The following MAF variants were observed in gnomAD, a reference collection of about 807,000 sequenced individuals.
MAF encodes the protein MAF bZIP transcription factor.
Under a neutral mutation model 22.0 loss-of-function variants are expected in MAF, and 10 were observed. That is an observed-to-expected ratio of 0.45 (90% CI 0.28 to 0.77). MAF has a LOEUF of 0.77. Ranked by LOEUF, MAF falls within the 30% of genes least tolerant of loss-of-function variation. MAF has a pLI of 0.12. For missense variants in MAF, 544 were observed against 548.4 expected, an observed-to-expected ratio of 0.99 and a Z score of 0.08; for synonymous variants, 337 against 255.8, an observed-to-expected ratio of 1.32 and a Z score of -3.03.
chr16:79,502,708 A>AATAAATAAAT, the MAF span, among the ~76,000 whole-genome samples: 3 of 34,008 alleles, frequency 8.8e-5, no homozygotes, highest in African/African-American at 1.8e-4. Context: ...TATAAATATA[A>AATAAATAAAT]ATATATATAT....
chr16:79,431,857 T>C, the MAF span, among the ~76,000 whole-genome samples: 1 of 152,186 alleles, frequency 6.6e-6, no homozygotes, highest in African/African-American at 2.4e-5. Flanking sequence ...CAGCAGGACT[T>C]TGTTTCCTTA....
At chr16:79,307,184 A>G in the MAF span, among the ~76,000 whole-genome samples, 1 of 152,126 alleles carries the variant, frequency 6.6e-6, no homozygotes, top group East Asian at 1.9e-4. Context: ...GTTTGAGATG[A>G]ATCTGGTGAC....
the MAF span, among the ~76,000 whole-genome samples, chr16:79,523,465 C>T: frequency 7.9e-5 from 12 of 152,204 alleles, no homozygotes. Flanking sequence ...AATCTATAAG[C>T]GTGGGTTCAT....
the MAF span, among the ~76,000 whole-genome samples, chr16:79,390,507 T>C: frequency 6.6e-6 from 1 of 152,222 alleles, no homozygotes; most frequent in Non-Finnish European, 1.5e-5. Context: ...GAGCAAGCTT[T>C]AAGCTTTTAA....
chr16:79,259,076 C>G, the MAF span, among the ~76,000 whole-genome samples: 1 of 152,154 alleles, frequency 6.6e-6, no homozygotes, highest in African/African-American at 2.4e-5. Flanking sequence ...CCCCTAAACC[C>G]CAGAATGAGT....
chr16:79,537,621 A>G, the MAF span, among the ~76,000 whole-genome samples: 1 of 152,130 alleles, frequency 6.6e-6, no homozygotes, highest in African/African-American at 2.4e-5. Context: ...GTCTTTTTCA[A>G]TTAGGAACAG....
the MAF span, among the ~76,000 whole-genome samples, chr16:79,411,929 AGATGG>A: frequency 0.16 from 25,070 of 152,078 alleles, 2,655 homozygotes; most frequent in African/African-American, 0.29. Context: ...GAGTTAGATG[AGATGG>A]TGTCTGGATG....
At chr16:79,529,883 C>A in the MAF span, among the ~76,000 whole-genome samples, 3 of 151,606 alleles carry the variant, frequency 2.0e-5, no homozygotes, top group African/African-American at 7.3e-5. Flanking sequence ...ATCGCTTGAA[C>A]CTGGGAGGCG....
the MAF span, among the ~76,000 whole-genome samples, chr16:79,224,274 A>C: frequency 6.6e-6 from 1 of 152,224 alleles, no homozygotes; most frequent in Non-Finnish European, 1.5e-5. Context: ...TGATTCTCGC[A>C]ATAGATGCAG....
the MAF span, among the ~76,000 whole-genome samples, chr16:79,573,408 T>C: frequency 6.6e-6 from 1 of 152,232 alleles, no homozygotes; most frequent in African/African-American, 2.4e-5. Context: ...TTATGCATGG[T>C]GTTTACAAAA....
At chr16:79,390,344 T>C in the MAF span, among the ~76,000 whole-genome samples, 28 of 152,156 alleles carry the variant, frequency 1.8e-4, 1 homozygote, top group Admixed American at 1.8e-3. Context: ...ATAAGTGATA[T>C]GGTCAAATCA....
At chr16:79,575,839 C>A in the MAF span, among the ~76,000 whole-genome samples, 2 of 152,112 alleles carry the variant, frequency 1.3e-5, no homozygotes, top group Admixed American at 6.5e-5. Flanking sequence ...TGGCCAAGAC[C>A]CTAGGAAATT....
At chr16:79,341,692 T>C in the MAF span, among the ~76,000 whole-genome samples, 1 of 152,184 alleles carries the variant, frequency 6.6e-6, no homozygotes, top group Non-Finnish European at 1.5e-5. Context: ...ATTTTAACAA[T>C]ATAACTCTGG....
At chr16:79,288,007 C>G in the MAF span, among the ~76,000 whole-genome samples, 1 of 152,210 alleles carries the variant, frequency 6.6e-6, no homozygotes, top group Non-Finnish European at 1.5e-5. Flanking sequence ...CTTTATTTAA[C>G]AAAACTACTC....
At chr16:79,590,131 C>G (rs1032067431), downstream of MAF, among the ~76,000 whole-genome samples, 2 of 152,180 alleles carry the variant, frequency 1.3e-5, no homozygotes, top group Admixed American at 1.3e-4. Context: ...GCAGTGATGT[C>G]CAGGGCTATT....
the MAF span, among the ~76,000 whole-genome samples, chr16:79,357,297 C>CAAT: frequency 9.1e-3 from 1,232 of 135,370 alleles, 20 homozygotes; most frequent in African/African-American, 0.032. Flanking sequence ...ACAACAACAA[C>CAAT]AATTAGCTGG....
chr16:79,373,381 T>C, the MAF span, among the ~76,000 whole-genome samples: 2 of 118,120 alleles, frequency 1.7e-5, no homozygotes, highest in African/African-American at 6.5e-5. Context: ...TTTTTTTTTT[T>C]TTTTTTTTTT....
chr16:79,441,504 G>A, the MAF span, among the ~76,000 whole-genome samples: 3 of 152,190 alleles, frequency 2.0e-5, no homozygotes, highest in South Asian at 4.1e-4. Context: ...ACATGGGGTG[G>A]CTGTATTTTA....
At chr16:79,581,787 G>A (rs1020763764), downstream of MAF, among the ~76,000 whole-genome samples, 2 of 152,148 alleles carry the variant, frequency 1.3e-5, no homozygotes, top group Non-Finnish European at 2.9e-5. Context: ...TGATTAAGTT[G>A]TACAATGCAC....
Sources: gnomAD v4.1 joint callset for allele counts (sites outside exome capture counted in the v4.1 genomes callset) on GRCh38, gnomAD v4.1.1 for gene constraint, MANE v1.5 for transcripts, NCBI Gene and HGNC (gene_info 2026-07-23, HGNC 2026-07-21) for gene names.